Variants in EML4 observed in about 807,000 individuals in gnomAD.
EML4 encodes EMAP like 4.
EML4 carries 72 observed loss-of-function variants against 129.0 expected under a neutral mutation model. That is an observed-to-expected ratio of 0.56 (90% CI 0.46 to 0.68). The LOEUF is 0.68. Ranked by LOEUF, EML4 falls within the 30% of genes least tolerant of loss-of-function variation. The pLI, the probability that EML4 is intolerant of heterozygous loss-of-function variation, is 0.00. For missense variants in EML4, 1,363 were observed against 1,190.6 expected, an observed-to-expected ratio of 1.14 and a Z score of -2.13; for synonymous variants, 532 against 405.0, an observed-to-expected ratio of 1.31 and a Z score of -3.77.
intron 1 of EML4, among the ~76,000 whole-genome samples, chr2:42,181,231 G>C (rs1363515690): frequency 6.6e-6 from 1 of 152,134 alleles, no homozygotes; most frequent in African/African-American, 2.4e-5. Context: ...TAAATATTCA[G>C]TTCTTCATCA....
chr2:42,186,113 G>T (rs955763120), intron 1 of EML4, among the ~76,000 whole-genome samples: 15 of 152,118 alleles, frequency 9.9e-5, no homozygotes, highest in African/African-American at 3.4e-4. Context: ...ACTGAACTTT[G>T]CTGTGTCTGT....
At chr2:42,264,067 A>G (rs945773666) in intron 5 of EML4, among the ~76,000 whole-genome samples, 5 of 127,738 alleles carry the variant, frequency 3.9e-5, no homozygotes, top group African/African-American at 2.8e-5. Context: ...AAAAAGTTGT[A>G]TCTACCTTTT....
At chr2:42,190,533 A>G (rs1423314829) in intron 1 of EML4, among the ~76,000 whole-genome samples, 1 of 152,228 alleles carries the variant, frequency 6.6e-6, no homozygotes, top group Non-Finnish European at 1.5e-5. Context: ...TAGATGAATT[A>G]GATGAGCTAT....
At chr2:42,295,301 T>C in intron 12 of EML4, 42 bp downstream of exon 12, 1 of 1,594,672 alleles carries the variant, frequency 6.3e-7, no homozygotes. Flanking sequence ...TGTATAAGAC[T>C]TTAATTTTTT....
chr2:42,193,702 A>G (rs1406362404), intron 1 of EML4, among the ~76,000 whole-genome samples: 1 of 150,056 alleles, frequency 6.7e-6, no homozygotes, highest in Non-Finnish European at 1.5e-5. Flanking sequence ...CCTTTTCTTA[A>G]TGAAGTGGGG....
chr2:42,176,383 G>C (rs182909098), intron 1 of EML4, among the ~76,000 whole-genome samples: 1 of 152,208 alleles, frequency 6.6e-6, no homozygotes, highest in East Asian at 1.9e-4. Flanking sequence ...TCTTCCTAAA[G>C]CCATGCTTTG....
intron 2 of EML4, among the ~76,000 whole-genome samples, chr2:42,253,611 A>T (rs1395431652): frequency 1.3e-5 from 2 of 152,200 alleles, no homozygotes; most frequent in Non-Finnish European, 2.9e-5. Flanking sequence ...TTTGGTAGTG[A>T]AGATGCATCC....
chr2:42,330,555 T>C lies in EML4; in HGVS notation c.*348T>C. 1 of 440,054 alleles carries C rather than the reference T, an allele frequency of 2.3e-6. No homozygotes were observed. The highest frequency in any genetic ancestry group is 2.2e-5 in the South Asian group (1 of 45,212). 27.3% of individuals were successfully genotyped at this position (440,054 alleles called of 1,614,324 possible). A position where few individuals can be genotyped will look rare whatever the true frequency, so the allele number is the denominator to read the frequency against. On this transcript the variant is annotated 3_prime_UTR_variant, in exon 23 of 23. Coordinates refer to ENST00000318522, the MANE Select transcript of EML4 (RefSeq NM_019063.5). The stretch of plus-strand genomic sequence containing the variant: ...AACCCCCTTGTTATCTGAACATGTT[T>C]TCTTCAGGAACAACCAGAGGTATCA...
chr2:42,263,197 G>A lies in EML4; in HGVS notation c.532G>A (p.Ala178Thr). 1 of 1,612,310 alleles carries A rather than the reference G, an allele frequency of 6.2e-7. No homozygotes were observed. The highest frequency in any genetic ancestry group is 2.2e-5 in the East Asian group (1 of 44,722). The change falls in exon 5 of 23, where the codon GCT (alanine) becomes ACT (threonine). Residue 178 changes from alanine (A) to threonine (T), a missense_variant. By Grantham distance (58) the Ala-to-Thr change is moderately conservative. Transcript: ENST00000318522. ...TTCTAGCATAAAACGACCATCACCAGCTGAAAAGTCACATAATTCTTGGGA... is the reference window on the plus strand; with the variant it reads ...TTCTAGCATAAAACGACCATCACCAACTGAAAAGTCACATAATTCTTGGGA... ...PTKSIKRPSP[A>T]EKSHNSWENS...
At chr2:42,279,144 T>G (rs1666858627) in intron 6 of EML4, among the ~76,000 whole-genome samples, 1 of 152,162 alleles carries the variant, frequency 6.6e-6, no homozygotes, top group Non-Finnish European at 1.5e-5. Context: ...TTTTTATTAT[T>G]GCAAGATGTG....
intron 4 of EML4, among the ~76,000 whole-genome samples, chr2:42,262,017 C>T (rs1665768676): frequency 6.6e-6 from 1 of 151,922 alleles, no homozygotes; most frequent in African/African-American, 2.4e-5. Flanking sequence ...TTAAATTTGC[C>T]TGTTTAGAAA....
At position 42,324,929 on chromosome 2, in the gene EML4, A is replaced by G. The variant is rs996011833; in HGVS notation, c.2155-538A>G. 2.0e-5 allele frequency among the ~76,000 whole-genome samples: 3 copies of G among 152,326 alleles called. No individual in the cohort carries two copies. The East Asian group carries it at 5.8e-4, about 29-fold the overall frequency. On this transcript the variant is annotated intron_variant, in intron 19 of 22. Transcript: ENST00000318522. ...TTGAGACCTACTGTTCTGATGGAGTACAGCGTTGGGTGAATTTTCCCCAAA... is the reference window on the plus strand; with the variant it reads ...TTGAGACCTACTGTTCTGATGGAGTGCAGCGTTGGGTGAATTTTCCCCAAA...
At chr2:42,314,779 TTGTC>T (rs1669144402) in intron 17 of EML4, among the ~76,000 whole-genome samples, 1 of 152,220 alleles carries the variant, frequency 6.6e-6, no homozygotes, top group African/African-American at 2.4e-5. Context: ...AGCCTTAAGT[TTGTC>T]TGTCCATGGT....
At chr2:42,241,876 G>T (rs1300941973) in intron 1 of EML4, among the ~76,000 whole-genome samples, 2 of 149,988 alleles carry the variant, frequency 1.3e-5, no homozygotes, top group East Asian at 2.0e-4. Flanking sequence ...GTGTGTGTCG[G>T]GGGGGGGAAG....
At chr2:42,298,894 T>C (rs2103698786) in intron 13 of EML4, among the ~76,000 whole-genome samples, 1 of 152,354 alleles carries the variant, frequency 6.6e-6, no homozygotes, top group Admixed American at 6.5e-5. Context: ...TCTTGTTAGT[T>C]TGACCATGCA....
rs764584855 is a variant in EML4 at position 42,304,558 on chromosome 2, T to A, written c.1967+7T>A. ...TAGGAACGCACTCAGGCAGGTAGGG[T>A]CTTTAAGTGAACTGAGTAATCTGAA... is the stretch of plus-strand genomic sequence containing the variant. On this transcript the variant is annotated splice_region_variant and intron_variant, in intron 17 of 22. Transcript: ENST00000318522. The A allele has an allele frequency of 1.2e-6, 2 of 1,610,006 alleles. No individual in the cohort carries two copies. The highest frequency in any genetic ancestry group is 1.3e-5 in the African/African-American group (1 of 74,824).
At chr2:42,207,796 A>G (rs1339057791) in intron 1 of EML4, 2 of 152,220 alleles carry the variant, frequency 1.3e-5, no homozygotes, top group Non-Finnish European at 2.9e-5. Context: ...CAAATTTATA[A>G]TATTAAATGC....
intron 2 of EML4, among the ~76,000 whole-genome samples, chr2:42,248,263 A>G (rs1675540210): frequency 6.6e-6 from 1 of 152,136 alleles, no homozygotes; most frequent in Non-Finnish European, 1.5e-5. Context: ...AAAACAGTGC[A>G]TTGTAATTTT....
chr2:42,325,560 T>C lies in EML4; in HGVS notation c.2242+6T>C, dbSNP rs770664017. On this transcript the variant is annotated splice_donor_region_variant and intron_variant, in intron 20 of 22. Transcript: ENST00000318522. ...AGACTATGAAATATTGTACTGTAAG[T>C]ATGAATGATTTTATATATATATATA... 2.0e-6 allele frequency: 2 copies of C among 977,918 alleles called. No homozygotes were observed. The highest frequency in any genetic ancestry group is 6.0e-5 in the East Asian group (2 of 33,302). The allele number at this position is 977,918 out of a possible 1,614,324, so 60.6% of individuals were successfully genotyped here.
Sources: gnomAD v4.1 joint callset for allele counts (sites outside exome capture counted in the v4.1 genomes callset) on GRCh38, gnomAD v4.1.1 for gene constraint, MANE v1.5 for transcripts, NCBI Gene and HGNC (gene_info 2026-07-23, HGNC 2026-07-21) for gene names.